Variants in HPSE2 observed in about 807,000 individuals in gnomAD.
HPSE2 encodes heparanase 2 (inactive), also known as inactive heparanase-2.
A neutral mutation model predicts 60.5 loss-of-function variants in HPSE2; 38 were observed. The observed-to-expected ratio is 0.63, with a 90% confidence interval of 0.48 to 0.82. The LOEUF is 0.82. Among genes scored for constraint, HPSE2 ranks in the 40% least tolerant of loss-of-function variants. The pLI is 0.00. For synonymous variants in HPSE2, 295 were observed against 293.2 expected (o/e 1.01, Z -0.06); for missense variants, 713 against 740.4 (o/e 0.96, Z 0.43).
At chr10:98,654,595 C>T (rs1158752744) in intron 6 of HPSE2, among the ~76,000 whole-genome samples, 1 of 152,152 alleles carries the variant, frequency 6.6e-6, no homozygotes, top group African/African-American at 2.4e-5. Flanking sequence ...TAGTTTCTAT[C>T]TCTCTACTTA....
intron 3 of HPSE2, among the ~76,000 whole-genome samples, chr10:98,946,747 G>C (rs562699251): frequency 1.3e-5 from 2 of 151,936 alleles, no homozygotes; most frequent in Non-Finnish European, 2.9e-5. Flanking sequence ...ATGTAAAGAG[G>C]CAGTATTAAG....
intron 9 of HPSE2, among the ~76,000 whole-genome samples, chr10:98,597,019 ATGG>A (rs1331405900): frequency 6.6e-6 from 1 of 152,138 alleles, no homozygotes; most frequent in Non-Finnish European, 1.5e-5. Flanking sequence ...CCTTCTTTAC[ATGG>A]TGGCAGCAAG....
chr10:98,547,777 C>G (rs1292121823), intron 9 of HPSE2, among the ~76,000 whole-genome samples: 1 of 151,496 alleles, frequency 6.6e-6, no homozygotes, highest in African/African-American at 2.4e-5. Context: ...GCACATTGTG[C>G]ACATGTACCC....
chr10:99,275,137 G>C, the HPSE2 span, among the ~76,000 whole-genome samples: 4 of 152,140 alleles, frequency 2.6e-5, no homozygotes, highest in Non-Finnish European at 1.5e-5. Context: ...CCCAAATCCA[G>C]TATTAGTTCC....
intron 4 of HPSE2, among the ~76,000 whole-genome samples, chr10:98,742,098 CA>C (rs1173183685): frequency 3.3e-5 from 5 of 152,110 alleles, no homozygotes; most frequent in African/African-American, 1.2e-4. Flanking sequence ...CTTTTGTTGT[CA>C]AATGTATGAT....
intron 2 of HPSE2, among the ~76,000 whole-genome samples, chr10:99,151,913 C>G (rs1228428681): frequency 1.3e-5 from 2 of 151,996 alleles, no homozygotes; most frequent in Non-Finnish European, 2.9e-5. Context: ...TAGACCCTAT[C>G]TCATAAATAA....
intron 4 of HPSE2, among the ~76,000 whole-genome samples, chr10:98,732,494 AT>A (rs200152533): frequency 1.9e-4 from 29 of 150,526 alleles, no homozygotes; most frequent in Non-Finnish European, 3.1e-4. Flanking sequence ...TGGTCAATTG[AT>A]TTTTTTTTTA....
intron 9 of HPSE2, among the ~76,000 whole-genome samples, chr10:98,525,905 C>T (rs1213735103): frequency 6.6e-6 from 1 of 152,158 alleles, no homozygotes; most frequent in Non-Finnish European, 1.5e-5. Context: ...ATGTAACACT[C>T]CAGTAACAGC....
At position 98,708,595 on chromosome 10, in the gene HPSE2, A is replaced by C. The variant is rs1054757859; in HGVS notation, c.956+13062T>G. On this transcript the variant is annotated intron_variant, in intron 5 of 11. Transcript: ENST00000370552. ...AAACACCATTATTAAGTATGTGCTC[A>C]TGTAAAAATTGCTGTAAGCTACATT... Among the ~76,000 whole-genome samples the C allele has an allele frequency of 3.9e-5, 6 of 152,330 alleles. No homozygotes were observed. The South Asian group carries it at 1.2e-3, about 32-fold the overall frequency.
chr10:99,101,478 G>T (rs186415080), intron 3 of HPSE2, among the ~76,000 whole-genome samples: 229 of 152,296 alleles, frequency 1.5e-3, no homozygotes, highest in African/African-American at 5.2e-3. Context: ...GGAGCACCCA[G>T]ATTCACAAAG....
At chr10:98,468,325 G>A (rs1940638627) in intron 11 of HPSE2, among the ~76,000 whole-genome samples, 1 of 152,286 alleles carries the variant, frequency 6.6e-6, no homozygotes, top group Middle Eastern at 3.4e-3. Flanking sequence ...CCCATGTCCG[G>A]CTGGAGGAAA....
intron 3 of HPSE2, among the ~76,000 whole-genome samples, chr10:98,989,696 A>G (rs1289541252): frequency 6.6e-6 from 1 of 152,046 alleles, no homozygotes; most frequent in African/African-American, 2.4e-5. Context: ...TTAATCCAGG[A>G]TGCTTGGTCT....
intron 6 of HPSE2, among the ~76,000 whole-genome samples, chr10:98,677,903 TAG>T (rs1947686262): frequency 6.6e-6 from 1 of 152,198 alleles, no homozygotes; most frequent in African/African-American, 2.4e-5. Flanking sequence ...ATGCTATTAT[TAG>T]AGTCATTTTG....
intron 2 of HPSE2, among the ~76,000 whole-genome samples, chr10:99,175,562 CCT>C (rs1847491785): frequency 6.6e-6 from 1 of 152,228 alleles, no homozygotes; most frequent in Admixed American, 6.5e-5. Context: ...AGCCATATTG[CCT>C]CTCTAGATTC....
At chr10:98,932,383 G>T (rs2135113833) in intron 3 of HPSE2, among the ~76,000 whole-genome samples, 1 of 144,126 alleles carries the variant, frequency 6.9e-6, no homozygotes, top group Non-Finnish European at 1.5e-5. Flanking sequence ...GTATTTTATT[G>T]AGGATTTTTG....
At chr10:99,068,011 C>T (rs1842668959) in intron 3 of HPSE2, among the ~76,000 whole-genome samples, 1 of 152,100 alleles carries the variant, frequency 6.6e-6, no homozygotes, top group African/African-American at 2.4e-5. Flanking sequence ...GGGAAAATGC[C>T]ACCAGTCTCT....
At chr10:98,875,559 C>A (rs1264941193) in intron 3 of HPSE2, among the ~76,000 whole-genome samples, 1 of 151,510 alleles carries the variant, frequency 6.6e-6, no homozygotes, top group South Asian at 2.1e-4. Context: ...AAAAAAAAAA[C>A]CATGACCAGA....
chr10:98,853,193 A>G (rs1219259880), intron 3 of HPSE2, among the ~76,000 whole-genome samples: 1 of 152,240 alleles, frequency 6.6e-6, no homozygotes, highest in African/African-American at 2.4e-5. Context: ...TTTCACAGCT[A>G]AATGAGGAGG....
chr10:98,869,368 T>C (rs927846148), intron 3 of HPSE2, among the ~76,000 whole-genome samples: 3 of 152,174 alleles, frequency 2.0e-5, no homozygotes, highest in Non-Finnish European at 4.4e-5. Context: ...ATCAGAGCCC[T>C]AATGTCCAAA....
Sources: allele counts gnomAD v4.1 joint callset (sites outside exome capture counted in the v4.1 genomes callset), GRCh38; gene constraint gnomAD v4.1.1; transcripts MANE v1.5; gene names NCBI Gene and HGNC (gene_info 2026-07-23, HGNC 2026-07-21).